Variants in C1orf141 observed in about 807,000 individuals in gnomAD.
The protein encoded by C1orf141 is chromosome 1 open reading frame 141, also known as uncharacterized protein C1orf141.
Under a neutral mutation model 23.2 loss-of-function variants are expected in C1orf141, and 19 were observed. The ratio of observed to expected loss-of-function variants is 0.82; its 90% CI spans 0.57 to 1.20. The LOEUF (loss-of-function observed/expected upper bound fraction) is 1.20. Ranked by LOEUF, C1orf141 falls within the 50% of genes most tolerant of loss-of-function variation. The pLI is 0.00. For synonymous variants in C1orf141, 153 were observed against 154.6 expected, an observed-to-expected ratio of 0.99 and a Z score of 0.08; for missense variants, 469 against 455.1, an observed-to-expected ratio of 1.03 and a Z score of -0.28.
At chr1:67,103,107 G>T in intron 5 of C1orf141, 1 of 483,800 alleles carries the variant, frequency 2.1e-6, no homozygotes, top group Non-Finnish European at 3.6e-6. Flanking sequence ...AAAGAAGGCT[G>T]GAGAAAGATC....
At chr1:67,095,096 G>C (rs1218910791) in intron 7 of C1orf141, 139 bp downstream of exon 7, 4 of 553,590 alleles carry the variant, frequency 7.2e-6, no homozygotes, top group East Asian at 3.0e-5. Context: ...AAGAACTTAA[G>C]TGCTGTTATC....
At chr1:67,138,929 A>C (rs575000038), upstream of C1orf141, 2 of 152,542 alleles carry the variant, frequency 1.3e-5, no homozygotes, top group South Asian at 4.1e-4. Context: ...GTCAGGGCCC[A>C]GACAATTTTA....
At chr1:67,128,521 T>A (rs1159993068) in intron 2 of C1orf141, among the ~76,000 whole-genome samples, 1 of 152,054 alleles carries the variant, frequency 6.6e-6, no homozygotes, top group East Asian at 1.9e-4. Context: ...CTGGCCAACA[T>A]ACTGAAACCC....
At chr1:67,113,756 A>T in intron 5 of C1orf141, 1 of 1,233,330 alleles carries the variant, frequency 8.1e-7, no homozygotes, top group Non-Finnish European at 1.1e-6. Flanking sequence ...TTAAAAGATC[A>T]CTATATGATT....
At chr1:67,105,361 A>T (rs977379347) in intron 5 of C1orf141, among the ~76,000 whole-genome samples, 12 of 151,428 alleles carry the variant, frequency 7.9e-5, no homozygotes, top group Non-Finnish European at 1.8e-4. Flanking sequence ...TTTAAACATA[A>T]TTTAAAAAAT....
Position 67,125,928 on chromosome 1 carries a change from GAAAAAAA to G in C1orf141, c.76-26_76-20del, listed in dbSNP as rs11336462. The G allele has an allele frequency of 5.6e-5, 66 of 1,183,324 alleles. No homozygotes were observed. The Middle Eastern group carries it at 9.3e-4, about 17-fold the overall frequency. The allele number at this position is 1,183,324 out of a possible 1,614,324, so 73.3% of individuals were successfully genotyped here. On this transcript the variant is annotated intron_variant, in intron 3 of 7. Coordinates refer to ENST00000684719, the MANE Select transcript of C1orf141 (RefSeq NM_001276351.2). Reference sequence around the variant, plus strand: ...TGTTTATCTGCAGCAATGCCAAAGTGAAAAAAAAAAAAAAAAAAAGAGTACTTTTTAT... The same window carrying G: ...TGTTTATCTGCAGCAATGCCAAAGTGAAAAAAAAAAAAGAGTACTTTTTAT...
At chr1:67,117,149 G>A (rs555284349) in intron 4 of C1orf141, among the ~76,000 whole-genome samples, 4 of 152,212 alleles carry the variant, frequency 2.6e-5, no homozygotes, top group East Asian at 3.9e-4. Flanking sequence ...TAGGCCGGGC[G>A]CGGTGGCTAA....
intron 4 of C1orf141, chr1:67,122,943 TC>T (rs1646328199): frequency 6.6e-6 from 1 of 152,090 alleles, no homozygotes; most frequent in Middle Eastern, 3.2e-3. Flanking sequence ...AGTGGCTCAC[TC>T]CTGTAATTCC....
At chr1:67,096,986 A>C (rs1434091219) in intron 5 of C1orf141, among the ~76,000 whole-genome samples, 1 of 152,172 alleles carries the variant, frequency 6.6e-6, no homozygotes, top group Non-Finnish European at 1.5e-5. Context: ...ATTTCAGCAC[A>C]CCTATAACCC....
chr1:67,102,307 CGTGTGTGTGTGTGTGTGTGT>C (rs57508145), intron 5 of C1orf141, among the ~76,000 whole-genome samples: 2 of 139,590 alleles, frequency 1.4e-5, no homozygotes, highest in African/African-American at 5.4e-5. Flanking sequence ...TCTTCTGCTC[CGTGTGTGTGTGTGTGTGTGT>C]GTGTGTGTGT....
chr1:67,139,739 T>A (rs1283365934), upstream of C1orf141, among the ~76,000 whole-genome samples: 1 of 152,160 alleles, frequency 6.6e-6, no homozygotes, highest in Non-Finnish European at 1.5e-5. Context: ...GATAAAGTCT[T>A]GCTATGTTGC....
chr1:67,124,190 T>C (rs1386337101), intron 4 of C1orf141, among the ~76,000 whole-genome samples: 3 of 152,176 alleles, frequency 2.0e-5, no homozygotes, highest in African/African-American at 4.8e-5. Context: ...CTCTGAGCAA[T>C]AGTACAAAAC....
chr1:67,114,458 A>G (rs986641931), intron 5 of C1orf141, among the ~76,000 whole-genome samples: 3 of 152,204 alleles, frequency 2.0e-5, no homozygotes, highest in Non-Finnish European at 4.4e-5. Context: ...AACAATGTGT[A>G]TAACAAATCC....
Position 67,092,863 on chromosome 1 carries a change from C to G in C1orf141, c.*142G>C. ...TTGATTGTTCTTGAACAGACCACTG[C>G]TGACTTATAATTCTAATGTCTATGC... is the stretch of plus-strand genomic sequence containing the variant. On this transcript the variant is annotated 3_prime_UTR_variant, in exon 8 of 8. Coordinates refer to ENST00000684719, the MANE Select transcript of C1orf141 (RefSeq NM_001276351.2). The G allele has an allele frequency of 1.6e-6, 1 of 642,306 alleles. No individual in the cohort carries two copies. Among genetic ancestry groups the G allele is most frequent in the Non-Finnish European group, 2.6e-6 (1 of 385,608 alleles). The allele number at this position is 642,306 out of a possible 1,614,324, so 39.8% of individuals were successfully genotyped here.
intron 1 of C1orf141, among the ~76,000 whole-genome samples, chr1:67,132,732 T>C (rs1406757477): frequency 6.6e-6 from 1 of 152,210 alleles, no homozygotes; most frequent in African/African-American, 2.4e-5. Flanking sequence ...CTGTAATAAA[T>C]GATGTTACTT....
chr1:67,110,349 A>G (rs921841270), intron 5 of C1orf141, among the ~76,000 whole-genome samples: 4 of 152,116 alleles, frequency 2.6e-5, no homozygotes, highest in African/African-American at 9.7e-5. Context: ...AAAAGTAACT[A>G]TCAAAGATCC....
intron 1 of C1orf141, among the ~76,000 whole-genome samples, chr1:67,134,109 T>G (rs1293552681): frequency 6.6e-6 from 1 of 152,184 alleles, no homozygotes; most frequent in Non-Finnish European, 1.5e-5. Flanking sequence ...GTTCAAGCGA[T>G]TCTCCTGCCT....
Position 67,133,346 on chromosome 1 carries a change from C to T in C1orf141, c.-104+1584G>A, listed in dbSNP as rs139016835. Reference sequence around the variant, plus strand: ...AGTTCAAATGCTTACTCCTTGAGGACGAGGCCACTTCTTACACTCTTATCT... The same window carrying T: ...AGTTCAAATGCTTACTCCTTGAGGATGAGGCCACTTCTTACACTCTTATCT... On this transcript the variant is annotated intron_variant, in intron 1 of 7. Coordinates refer to ENST00000684719, the MANE Select transcript of C1orf141 (RefSeq NM_001276351.2). 6.3e-3 allele frequency among the ~76,000 whole-genome samples: 954 copies of T among 152,250 alleles called. 8 individuals are homozygous for T. The highest frequency in any genetic ancestry group is 0.02 in the African/African-American group (828 of 41,554).
intron 1 of C1orf141, among the ~76,000 whole-genome samples, chr1:67,140,374 G>A (rs534412442): frequency 6.6e-6 from 1 of 152,026 alleles, no homozygotes; most frequent in South Asian, 2.1e-4. Flanking sequence ...AAATCACTAA[G>A]GACAAACACC....
Sources: allele counts gnomAD v4.1 joint callset (sites outside exome capture counted in the v4.1 genomes callset), GRCh38; gene constraint gnomAD v4.1.1; transcripts MANE v1.5; gene names NCBI Gene and HGNC (gene_info 2026-07-23, HGNC 2026-07-21).